CACNA1C: variants seen among roughly 807,000 people sequenced by gnomAD.
The protein encoded by CACNA1C is voltage-dependent L-type calcium channel subunit alpha-1C.
Under a neutral mutation model 229.0 loss-of-function variants are expected in CACNA1C, and 30 were observed. That is an observed-to-expected ratio of 0.13 (90% CI 0.10 to 0.18). CACNA1C has a LOEUF of 0.18. Among genes scored for constraint, CACNA1C ranks in the 10% least tolerant of loss-of-function variants. CACNA1C has a pLI of 1.00. For missense variants in CACNA1C, 1,658 were observed against 2,845.0 expected (o/e 0.58, Z 9.49); for synonymous variants, 1,114 against 1,132.5 (o/e 0.98, Z 0.33).
At chr12:2,373,067 A>G (rs2097914241) in intron 3 of CACNA1C, among the ~76,000 whole-genome samples, 1 of 152,230 alleles carries the variant, frequency 6.6e-6, no homozygotes, top group African/African-American at 2.4e-5. Context: ...TGGCGGGAGA[A>G]GTGACAAGGA....
At chr12:2,101,913 C>G (rs2076558070) in intron 1 of CACNA1C, among the ~76,000 whole-genome samples, 1 of 152,148 alleles carries the variant, frequency 6.6e-6, no homozygotes, top group South Asian at 2.1e-4. Context: ...AGCAACAGAA[C>G]CCCTGCATCA....
intron 8 of CACNA1C, among the ~76,000 whole-genome samples, chr12:2,505,295 A>T (rs1296330498): frequency 1.3e-5 from 2 of 152,110 alleles, no homozygotes; most frequent in Non-Finnish European, 2.9e-5. Flanking sequence ...ATAAACAAAG[A>T]CAGACTCAAA....
chr12:2,337,845 C>T (rs1191891479), intron 3 of CACNA1C, among the ~76,000 whole-genome samples: 1 of 152,202 alleles, frequency 6.6e-6, no homozygotes, highest in Non-Finnish European at 1.5e-5. Flanking sequence ...TTGCCCTTGG[C>T]CACCTTCTCT....
chr12:2,048,935 G>A, upstream of CACNA1C, among the ~76,000 whole-genome samples: 1 of 152,162 alleles, frequency 6.6e-6, no homozygotes, highest in East Asian at 1.9e-4. Context: ...TTCCCCACCT[G>A]CCCCAGATTG....
intron 9 of CACNA1C, among the ~76,000 whole-genome samples, chr12:2,545,778 C>T (rs1599576544): frequency 1.3e-5 from 2 of 152,240 alleles, no homozygotes; most frequent in African/African-American, 4.8e-5. Context: ...TTGTGCCTTA[C>T]TTGCCTCTCA....
At chr12:1,997,470 A>G (rs1448499714) in intron 1 of CACNA1C, among the ~76,000 whole-genome samples, 1 of 152,230 alleles carries the variant, frequency 6.6e-6, no homozygotes, top group African/African-American at 2.4e-5. Context: ...CAGCAAGCCA[A>G]GAGCTGTGAT....
At chr12:2,400,620 A>C (rs558192934) in intron 3 of CACNA1C, among the ~76,000 whole-genome samples, 1 of 152,238 alleles carries the variant, frequency 6.6e-6, no homozygotes, top group South Asian at 2.1e-4. Flanking sequence ...TTCTCTGAAC[A>C]CCTCAGGTTG....
intron 1 of CACNA1C, among the ~76,000 whole-genome samples, chr12:2,038,012 C>A (rs574044589): frequency 3.3e-4 from 50 of 152,238 alleles, no homozygotes; most frequent in African/African-American, 1.2e-3. Context: ...ACTCTATTTT[C>A]AATATTCTTT....
chr12:2,685,853 C>T lies in CACNA1C; in HGVS notation c.5680+11C>T, dbSNP rs66611965. On this transcript the variant is annotated intron_variant, in intron 44 of 46. Transcript: ENST00000399655. ...GCTCTGCCTCACTAGGTAAATGCAC[C>T]GCTCGCTCTCTGGATGTGGTCGGCG... is the stretch of plus-strand genomic sequence containing the variant. 8.0e-3 allele frequency: 10,759 copies of T among 1,338,132 alleles called. 30 individuals are homozygous for T. Among genetic ancestry groups the T allele is most frequent in the African/African-American group, 0.017 (1,173 of 68,858 alleles). The allele number at this position is 1,338,132 out of a possible 1,614,324, so 82.9% of individuals were successfully genotyped here. A position where few individuals can be genotyped will look rare whatever the true frequency, so the allele number is the denominator to read the frequency against.
chr12:2,338,180 G>A (rs949719104), intron 3 of CACNA1C, among the ~76,000 whole-genome samples: 1 of 152,120 alleles, frequency 6.6e-6, no homozygotes, highest in Non-Finnish European at 1.5e-5. Context: ...GGGGGGAGGA[G>A]AGGGCAACTC....
Position 2,285,512 on chromosome 12 carries a change from CT to C in CACNA1C, c.478-163460del, listed in dbSNP as rs893566757. Among the ~76,000 whole-genome samples, 1 of 152,104 alleles carries C rather than the reference CT, an allele frequency of 6.6e-6. No individual in the cohort carries two copies. The highest frequency in any genetic ancestry group is 2.4e-5 in the African/African-American group (1 of 41,402). ...GCCTGTGCCGGCTACAACTCAGGAG[CT>C]TTTGGAACTTAGGAGCTCTGTTCTT... On this transcript the variant is annotated intron_variant, in intron 3 of 46. Transcript: ENST00000399655. The surrounding 1 kb of genome is among the most constrained non-coding windows in gnomAD (Gnocchi z 4.2).
chr12:2,270,313 C>T (rs1350078879), intron 3 of CACNA1C, among the ~76,000 whole-genome samples: 2 of 152,198 alleles, frequency 1.3e-5, no homozygotes, highest in Non-Finnish European at 2.9e-5. Context: ...TGAAATGTCT[C>T]CCATACACCC....
chr12:2,296,395 C>T (rs745758964), intron 3 of CACNA1C, among the ~76,000 whole-genome samples: 4 of 152,202 alleles, frequency 2.6e-5, no homozygotes, highest in Non-Finnish European at 1.5e-5. Flanking sequence ...TCTGATATTT[C>T]CTGACACTGC....
intron 3 of CACNA1C, among the ~76,000 whole-genome samples, chr12:2,284,537 C>A (rs2092299000): frequency 6.6e-6 from 1 of 152,180 alleles, no homozygotes; most frequent in African/African-American, 2.4e-5. Flanking sequence ...GCTGTCAACT[C>A]TTTAGGGAGA....
At chr12:2,079,302 A>G (rs1264186426) in intron 1 of CACNA1C, among the ~76,000 whole-genome samples, 3 of 152,176 alleles carry the variant, frequency 2.0e-5, no homozygotes, top group Non-Finnish European at 4.4e-5. Flanking sequence ...AAAATAGTTA[A>G]GATGGTTGTC....
intron 44 of CACNA1C, 91 bp downstream of exon 44, chr12:2,685,933 C>G: frequency 1.0e-6 from 1 of 982,406 alleles, no homozygotes; most frequent in South Asian, 1.4e-5. Context: ...TGTGGCCTGC[C>G]TCAAATCAGC....
At chr12:2,541,625 C>G (rs2099870660) in intron 9 of CACNA1C, among the ~76,000 whole-genome samples, 1 of 152,206 alleles carries the variant, frequency 6.6e-6, no homozygotes, top group African/African-American at 2.4e-5. Context: ...CATCAACCCT[C>G]TTCCTCCCGG....
intron 3 of CACNA1C, among the ~76,000 whole-genome samples, chr12:2,340,596 G>C (rs1364490281): frequency 6.6e-6 from 1 of 152,210 alleles, no homozygotes; most frequent in Non-Finnish European, 1.5e-5. Context: ...GATCAACAGA[G>C]GGATCCGGAG....
At chr12:2,203,236 C>T (rs1195941620) in intron 3 of CACNA1C, among the ~76,000 whole-genome samples, 1 of 152,090 alleles carries the variant, frequency 6.6e-6, no homozygotes, top group South Asian at 2.1e-4. Context: ...TGTCCGCCTG[C>T]GATCCATCTC....
Sources: gnomAD v4.1 joint callset for allele counts (sites outside exome capture counted in the v4.1 genomes callset) on GRCh38, gnomAD v4.1.1 for gene constraint, Gnocchi (gnomAD v3.1) non-coding constraint, MANE v1.5 for transcripts, NCBI Gene and HGNC (gene_info 2026-07-23, HGNC 2026-07-21) for gene names.